The following MYLK variants were observed in gnomAD, a reference collection of about 807,000 sequenced individuals.
The protein encoded by MYLK is myosin light chain kinase, smooth muscle.
MYLK carries 106 observed loss-of-function variants against 203.4 expected under a neutral mutation model. That is an observed-to-expected ratio of 0.52 (90% CI 0.45 to 0.61). MYLK has a LOEUF of 0.61. Among genes scored for constraint, MYLK ranks in the 20% least tolerant of loss-of-function variants. The probability of loss-of-function intolerance (pLI) is 0.00; values close to 1 mark genes in which losing one functional copy is unlikely to be tolerated. For synonymous variants in MYLK, 867 were observed against 959.5 expected (o/e 0.90, Z 1.78); for missense variants, 2,072 against 2,442.3 (o/e 0.85, Z 3.20).
chr3:123,730,338 A>G (rs975910339), intron 11 of MYLK, among the ~76,000 whole-genome samples: 4 of 152,214 alleles, frequency 2.6e-5, no homozygotes, highest in African/African-American at 9.6e-5. Flanking sequence ...AATGGTGAAA[A>G]ACAGTTTGTT....
intron 2 of MYLK, among the ~76,000 whole-genome samples, chr3:123,871,745 T>C (rs1340703965): frequency 6.6e-6 from 1 of 151,108 alleles, no homozygotes; most frequent in Non-Finnish European, 1.5e-5. Context: ...CAGGAATAAA[T>C]AACAACAGTT....
At chr3:123,706,464 G>T (rs1674651374) in intron 16 of MYLK, among the ~76,000 whole-genome samples, 1 of 152,120 alleles carries the variant, frequency 6.6e-6, no homozygotes, top group African/African-American at 2.4e-5. Context: ...AAGTGGTCAG[G>T]CACCCGGGCC....
intron 2 of MYLK, among the ~76,000 whole-genome samples, chr3:123,865,324 A>G (rs1481625618): frequency 6.6e-6 from 1 of 152,202 alleles, no homozygotes; most frequent in African/African-American, 2.4e-5. Context: ...TACAACTTCT[A>G]TCTCCATACT....
intron 32 of MYLK, 80 bp from the exon 33 acceptor site, chr3:123,618,850 TA>T (rs2057675680): frequency 1.3e-6 from 2 of 1,583,982 alleles, no homozygotes; most frequent in Admixed American, 1.7e-5. Context: ...AACTAACTTT[TA>T]AAAAAGTTGC....
chr3:123,705,788 C>G (rs2061438961), intron 16 of MYLK, among the ~76,000 whole-genome samples: 1 of 152,130 alleles, frequency 6.6e-6, no homozygotes, highest in Non-Finnish European at 1.5e-5. Context: ...TCACATTTGC[C>G]AAGATTCAGC....
intron 20 of MYLK, among the ~76,000 whole-genome samples, chr3:123,679,214 G>A (rs2060175655): frequency 6.6e-6 from 1 of 151,822 alleles, no homozygotes; most frequent in Non-Finnish European, 1.5e-5. Context: ...GGCTGAGGCA[G>A]GAGAATCGCT....
intron 23 of MYLK, chr3:123,659,575 G>C (rs1290633695): frequency 2.5e-6 from 1 of 406,286 alleles, no homozygotes; most frequent in Non-Finnish European, 5.0e-6. Context: ...GGAGATTGGA[G>C]GCCTCCCACT....
rs116752490 is a variant in MYLK, at chr3:123,767,301, C to T, written c.166-14763G>A. Among the ~76,000 whole-genome samples the T allele has an allele frequency of 3.6e-3, 548 of 152,270 alleles. 4 individuals carry two copies. Among genetic ancestry groups the T allele is most frequent in the African/African-American group, 0.012 (501 of 41,544 alleles). On this transcript the variant is annotated intron_variant, in intron 4 of 33. Transcript: ENST00000360304. Reference sequence around the variant, plus strand: ...TTCAGGCGCAGCGCAACTCATTCTTCGTCTGTTAAAAACAAATGCATGAGG... The same window carrying T: ...TTCAGGCGCAGCGCAACTCATTCTTTGTCTGTTAAAAACAAATGCATGAGG...
intron 4 of MYLK, among the ~76,000 whole-genome samples, chr3:123,774,844 C>T (rs1017035504): frequency 6.6e-6 from 1 of 152,072 alleles, no homozygotes; most frequent in Non-Finnish European, 1.5e-5. Context: ...ATATACCGAC[C>T]ATAGAGCATA....
chr3:123,727,600 G>A (rs1045023157), intron 11 of MYLK, among the ~76,000 whole-genome samples: 1 of 152,172 alleles, frequency 6.6e-6, no homozygotes, highest in Middle Eastern at 3.2e-3. Context: ...AGTGTTAGCT[G>A]TTATTATCAA....
At chr3:123,794,659 G>A (rs893574440) in intron 3 of MYLK, among the ~76,000 whole-genome samples, 5 of 152,172 alleles carry the variant, frequency 3.3e-5, no homozygotes, top group African/African-American at 9.7e-5. Flanking sequence ...TGTGACTGGG[G>A]CTGGCAAGGG....
chr3:123,813,702 G>A (rs962242013), intron 3 of MYLK, among the ~76,000 whole-genome samples: 2 of 152,004 alleles, frequency 1.3e-5, no homozygotes, highest in African/African-American at 4.8e-5. Context: ...GTAGAGACGG[G>A]GTTTCACCAT....
chr3:123,630,500 G>A (rs138502317), intron 29 of MYLK: 1 of 152,216 alleles, frequency 6.6e-6, no homozygotes, highest in African/African-American at 2.4e-5. Flanking sequence ...TTACAGATGA[G>A]GGAATTGAGG....
chr3:123,641,866 C>T (rs946378382), intron 27 of MYLK, among the ~76,000 whole-genome samples: 2 of 137,720 alleles, frequency 1.5e-5, no homozygotes, highest in East Asian at 2.4e-4. Context: ...TCCTTTCTTT[C>T]GCTTTTGAGA....
chr3:123,840,370 T>TTATATATATATATATATATATATA (rs56361020), intron 2 of MYLK, among the ~76,000 whole-genome samples: 45 of 148,696 alleles, frequency 3.0e-4, no homozygotes, highest in African/African-American at 1.1e-3. Context: ...CCTACAGACA[T>TTATATATATATATATATATATATA]TATATATATA....
chr3:123,734,254 G>GGGGT, intron 9 of MYLK, 32 bp from the exon 10 acceptor site: 1 of 1,066,864 alleles, frequency 9.4e-7, no homozygotes, highest in Non-Finnish European at 1.3e-6. Context: ...GGTAGGGTGG[G>GGGGT]TGAGGAGAGG....
chr3:123,773,339 G>C (rs9862668), intron 4 of MYLK, among the ~76,000 whole-genome samples: 16 of 152,192 alleles, frequency 1.1e-4, no homozygotes, highest in African/African-American at 3.9e-4. Flanking sequence ...CTGGATGGTG[G>C]GATTGTTTTC....
chr3:123,791,656 A>G (rs2064788561), intron 4 of MYLK, among the ~76,000 whole-genome samples: 1 of 152,240 alleles, frequency 6.6e-6, no homozygotes, highest in Admixed American at 6.5e-5. Flanking sequence ...GTAGCGCTGC[A>G]GTCTGACTCA....
At chr3:123,786,424 T>A (rs951188383) in intron 4 of MYLK, among the ~76,000 whole-genome samples, 3 of 150,004 alleles carry the variant, frequency 2.0e-5, no homozygotes, top group African/African-American at 7.4e-5. Flanking sequence ...GTGAAGTGGA[T>A]CTGTGTGCTA....
Sources: allele counts gnomAD v4.1 joint callset (sites outside exome capture counted in the v4.1 genomes callset), GRCh38; gene constraint gnomAD v4.1.1; transcripts MANE v1.5; gene names NCBI Gene and HGNC (gene_info 2026-07-23, HGNC 2026-07-21).